The following TMEM25 variants were observed in gnomAD, a reference collection of about 807,000 sequenced individuals.
TMEM25 encodes 0610039J01Rik.
TMEM25 carries 36 observed loss-of-function variants against 37.0 expected under a neutral mutation model. The observed-to-expected ratio is 0.97, with a 90% CI of 0.75 to 1.28. TMEM25 has a LOEUF of 1.28. Ranked by LOEUF, TMEM25 falls within the 50% of genes most tolerant of loss-of-function variation. The pLI, the probability that TMEM25 is intolerant of heterozygous loss-of-function variation, is 0.00. For synonymous variants in TMEM25, 197 were observed against 203.7 expected, an observed-to-expected ratio of 0.97 and a Z score of 0.28; for missense variants, 444 against 477.9, an observed-to-expected ratio of 0.93 and a Z score of 0.66.
chr11:118,541,511 T>C (rs1257944483), intron 8 of TMEM25, among the ~76,000 whole-genome samples: 2 of 148,884 alleles, frequency 1.3e-5, no homozygotes, highest in Non-Finnish European at 3.0e-5. Context: ...AAAAGAAGAA[T>C]GTCTTAGTCC....
chr11:118,543,402 C>G (rs140717006), intron 8 of TMEM25, among the ~76,000 whole-genome samples: 1 of 152,080 alleles, frequency 6.6e-6, no homozygotes, highest in East Asian at 1.9e-4. Context: ...TGACTACCAC[C>G]CCTTTGACTT....
Position 118,535,624 on chromosome 11 carries a change from C to T in TMEM25, c.*1044C>T, listed in dbSNP as rs1555062990. 8.7e-6 allele frequency: 13 copies of T among 1,492,674 alleles called. No homozygotes were observed. The highest frequency in any genetic ancestry group is 5.3e-6 in the Non-Finnish European group (6 of 1,127,614). The allele number at this position is 1,492,674 out of a possible 1,614,324, so 92.5% of individuals were successfully genotyped here. A position where few individuals can be genotyped will look rare whatever the true frequency, so the allele number is the denominator to read the frequency against. On this transcript the variant is annotated 3_prime_UTR_variant, in exon 9 of 9. Transcript: ENST00000313236. ...GGCACATAATTCAACAGTGTGGAAGCTTTAGGGGAACATGGAGAAAGAAGG... is the reference window on the plus strand; with the variant it reads ...GGCACATAATTCAACAGTGTGGAAGTTTTAGGGGAACATGGAGAAAGAAGG...
rs1050058089 is a variant in TMEM25 at position 118,533,292 on chromosome 11, C to T, written c.673+85C>T. The T allele has an allele frequency of 5.1e-6, 8 of 1,562,342 alleles. No individual in the cohort carries two copies. The Admixed American group carries it at 1.4e-4, about 27-fold the overall frequency. ...CATACAGAAATGGGAATACTTGTTG[C>T]CCTGTGGTTGGGTCTTGTGGATGAA... is the stretch of plus-strand genomic sequence containing the variant. On this transcript the variant is annotated intron_variant, in intron 4 of 8. Transcript: ENST00000313236.
intron 2 of TMEM25, 30 bp downstream of exon 2, chr11:118,531,901 C>T (rs781858686): frequency 5.2e-6 from 8 of 1,550,510 alleles, no homozygotes; most frequent in South Asian, 2.4e-5. Context: ...TTGACCAAGT[C>T]CTTCTGGGTT....
chr11:118,541,201 G>A (rs1416443710), intron 8 of TMEM25, among the ~76,000 whole-genome samples: 1 of 152,128 alleles, frequency 6.6e-6, no homozygotes, highest in Non-Finnish European at 1.5e-5. Context: ...CGTGGCTCAT[G>A]CCTGTAATCC....
chr11:118,546,126 A>C (rs1951678848), exon 9 of TMEM25: 2 of 718,584 alleles, frequency 2.8e-6, no homozygotes, highest in Non-Finnish European at 5.2e-6. Context: ...TAGGAAGAAG[A>C]AATCAGGACA....
chr11:118,531,631 C>G (rs1453912241), intron 1 of TMEM25, 144 bp from the exon 2 acceptor site: 1 of 652,862 alleles, frequency 1.5e-6, no homozygotes, highest in Non-Finnish European at 2.6e-6. Context: ...CTTTGCCGTT[C>G]GTGTCCGTGC....
chr11:118,536,169 C>T (rs1555063416), downstream of TMEM25, among the ~76,000 whole-genome samples: 2 of 150,060 alleles, frequency 1.3e-5, no homozygotes, highest in African/African-American at 2.5e-5. Context: ...TGAGCCACCA[C>T]ACCCAGCCTT....
chr11:118,531,905 C>G, intron 2 of TMEM25, 34 bp downstream of exon 2: 1 of 1,550,218 alleles, frequency 6.5e-7, no homozygotes, highest in South Asian at 1.2e-5. Context: ...CCAAGTCCTT[C>G]TGGGTTCCAA....
intron 1 of TMEM25, chr11:118,531,555 A>AT (rs1555058200): frequency 1.8e-6 from 1 of 564,822 alleles, no homozygotes; most frequent in Non-Finnish European, 3.2e-6. Flanking sequence ...TGTAGCCTGG[A>AT]GTCAGTGCTC....
chr11:118,532,619 T>C, intron 3 of TMEM25, 158 bp downstream of exon 3: 1 of 898,746 alleles, frequency 1.1e-6, no homozygotes, highest in Non-Finnish European at 1.6e-6. Flanking sequence ...GTCATTACTA[T>C]TGTCGTCACC....
At chr11:118,533,330 A>G in intron 4 of TMEM25, 90 bp from the exon 5 acceptor site, 1 of 1,585,156 alleles carries the variant, frequency 6.3e-7, no homozygotes, top group South Asian at 1.1e-5. Context: ...GTCCCCAGCC[A>G]CCCTGGGCAA....
downstream of TMEM25, among the ~76,000 whole-genome samples, chr11:118,538,886 T>C (rs1260611190): frequency 1.4e-5 from 2 of 144,952 alleles, no homozygotes; most frequent in Admixed American, 1.4e-4. Context: ...AGTAAGGCCG[T>C]CTCAAAAAAA....
intron 8 of TMEM25, among the ~76,000 whole-genome samples, chr11:118,543,263 T>C (rs1951604653): frequency 6.6e-6 from 1 of 152,276 alleles, no homozygotes; most frequent in Non-Finnish European, 1.5e-5. Context: ...ATGATGATCA[T>C]AGTTAAAGGG....
chr11:118,545,508 G>T, intron 8 of TMEM25: 1 of 1,597,982 alleles, frequency 6.3e-7, no homozygotes, highest in Non-Finnish European at 8.6e-7. Flanking sequence ...AAACGAAGAA[G>T]AACTTCCAGG....
downstream of TMEM25, among the ~76,000 whole-genome samples, chr11:118,540,082 A>G (rs1951559253): frequency 2.0e-5 from 3 of 150,160 alleles, no homozygotes; most frequent in Admixed American, 2.0e-4. Context: ...TAGAAATGGG[A>G]TGACGTTTTG....
intron 2 of TMEM25, 124 bp from the exon 3 acceptor site, chr11:118,532,026 C>T (rs781815680): frequency 9.5e-6 from 13 of 1,364,084 alleles, no homozygotes; most frequent in Non-Finnish European, 1.3e-5. Flanking sequence ...CAGCCAGTCC[C>T]TGGTGAGAGG....
Position 118,535,571 on chromosome 11 carries a change from G to C in TMEM25, c.*991G>C. 2.0e-6 allele frequency: 3 copies of C among 1,535,756 alleles called. No homozygotes were observed. Among genetic ancestry groups the C allele is most frequent in the Non-Finnish European group, 2.6e-6 (3 of 1,146,734 alleles). ...CCATGGTTGCCTCATCAGCAGGAAGGTGCCCTTCCTGGAGGATGGTCGCCA... is the reference window on the plus strand; with the variant it reads ...CCATGGTTGCCTCATCAGCAGGAAGCTGCCCTTCCTGGAGGATGGTCGCCA... On this transcript the variant is annotated 3_prime_UTR_variant, in exon 9 of 9. Transcript: ENST00000313236.
chr11:118,535,941 G>A (rs797039910), downstream of TMEM25: 4 of 744,704 alleles, frequency 5.4e-6, no homozygotes, highest in South Asian at 5.7e-5. Flanking sequence ...GCAGCGGCGC[G>A]ATCTTGGCTC....
Sources: allele counts gnomAD v4.1 joint callset (sites outside exome capture counted in the v4.1 genomes callset), GRCh38; gene constraint gnomAD v4.1.1; transcripts MANE v1.5; gene names NCBI Gene and HGNC (gene_info 2026-07-23, HGNC 2026-07-21).